CCSER1: variants seen among roughly 807,000 people sequenced by gnomAD.
CCSER1 encodes serine-rich coiled-coil domain-containing protein 1.
In CCSER1, 41 loss-of-function variants were observed where a neutral mutation model predicts 82.0. The observed-to-expected ratio is 0.50, with a 90% CI of 0.39 to 0.65. The LOEUF (loss-of-function observed/expected upper bound fraction) is 0.65. CCSER1 is among the 30% of genes least tolerant of loss of function. The probability of loss-of-function intolerance (pLI) is 0.00; values close to 1 mark genes in which losing one functional copy is unlikely to be tolerated. For missense variants in CCSER1, 1,119 were observed against 1,064.2 expected (o/e 1.05, Z -0.72); for synonymous variants, 414 against 383.9 (o/e 1.08, Z -0.92).
chr4:90,225,017 T>C (rs969113951), intron 1 of CCSER1, among the ~76,000 whole-genome samples: 4 of 152,192 alleles, frequency 2.6e-5, no homozygotes, highest in Admixed American at 6.6e-5. Flanking sequence ...AATTTGGTTC[T>C]ACTCTTTCTG....
chr4:90,607,195 A>G (rs1173942423), intron 5 of CCSER1, among the ~76,000 whole-genome samples: 1 of 152,234 alleles, frequency 6.6e-6, no homozygotes. Context: ...TTAGTACCTC[A>G]GTATTTGAAA....
chr4:90,924,761 C>G (rs1161882614), intron 9 of CCSER1, among the ~76,000 whole-genome samples: 2 of 152,078 alleles, frequency 1.3e-5, no homozygotes, highest in Non-Finnish European at 2.9e-5. Flanking sequence ...GAGTCTCACT[C>G]TGTTGCCCAG....
intron 5 of CCSER1, among the ~76,000 whole-genome samples, chr4:90,615,559 C>A (rs1432180376): frequency 6.6e-6 from 1 of 152,112 alleles, no homozygotes; most frequent in Admixed American, 6.6e-5. Flanking sequence ...TAGGAAGTAA[C>A]TTCAGATGTG....
chr4:91,322,610 GAATT>G lies in CCSER1; in HGVS notation c.2217+236618_2217+236621del, dbSNP rs1238605898. 4.0e-5 allele frequency among the ~76,000 whole-genome samples: 5 copies of G among 126,038 alleles called. No homozygotes were observed. The East Asian group carries it at 1.2e-3, about 30-fold the overall frequency. 82.7% of individuals were successfully genotyped at this position (126,038 alleles called of 152,430 possible). On this transcript the variant is annotated intron_variant, in intron 10 of 10. Coordinates refer to ENST00000509176, the MANE Select transcript of CCSER1 (RefSeq NM_001145065.2). Reference sequence around the variant, plus strand: ...CTCAATAAAATTTGGTTAAATGAATGAATTAGAAATACATTATATTAATTAAATT... The same window carrying G: ...CTCAATAAAATTTGGTTAAATGAATGAGAAATACATTATATTAATTAAATT...
chr4:90,155,759 CTT>C (rs1164447692), intron 1 of CCSER1, among the ~76,000 whole-genome samples: 1 of 151,946 alleles, frequency 6.6e-6, no homozygotes, highest in African/African-American at 2.4e-5. Flanking sequence ...TGATTCTTCT[CTT>C]TTTTCTTCTT....
intron 5 of CCSER1, among the ~76,000 whole-genome samples, chr4:90,516,424 ACTACCC>A (rs1231789390): frequency 1.3e-5 from 2 of 152,154 alleles, no homozygotes; most frequent in South Asian, 4.1e-4. Flanking sequence ...GCTAGTATGT[ACTACCC>A]CAGGGCCTGA....
At chr4:90,390,903 A>G (rs1176600914) in intron 3 of CCSER1, among the ~76,000 whole-genome samples, 2 of 152,100 alleles carry the variant, frequency 1.3e-5, no homozygotes, top group African/African-American at 2.4e-5. Flanking sequence ...ATTCCCACCA[A>G]CAATGTACAA....
At chr4:91,112,688 G>A (rs536385818) in intron 10 of CCSER1, 2 of 152,058 alleles carry the variant, frequency 1.3e-5, no homozygotes, top group Admixed American at 6.6e-5. Context: ...ATCTCAATTC[G>A]TGTTGAATGA....
chr4:90,133,750 T>A (rs900817181), intron 1 of CCSER1, among the ~76,000 whole-genome samples: 3 of 152,204 alleles, frequency 2.0e-5, no homozygotes, highest in African/African-American at 7.2e-5. Flanking sequence ...AGTTTTGCAT[T>A]ATGTTCCTCT....
At chr4:90,537,886 T>C (rs991093633) in intron 5 of CCSER1, among the ~76,000 whole-genome samples, 3 of 152,166 alleles carry the variant, frequency 2.0e-5, no homozygotes, top group African/African-American at 7.2e-5. Context: ...TTTCTTATTG[T>C]CTCTTCTTTA....
intron 7 of CCSER1, among the ~76,000 whole-genome samples, chr4:90,725,738 C>T (rs144659726): frequency 6.7e-4 from 102 of 151,654 alleles, no homozygotes; most frequent in African/African-American, 2.4e-3. Context: ...AGAATCTTAA[C>T]AGTATAAAGC....
chr4:91,137,723 AT>A (rs1382285166), intron 10 of CCSER1, among the ~76,000 whole-genome samples: 1 of 152,026 alleles, frequency 6.6e-6, no homozygotes, highest in Admixed American at 6.6e-5. Flanking sequence ...GTGAGATGAT[AT>A]CTCATAGTGG....
chr4:91,446,680 T>A (rs1177666177), intron 10 of CCSER1, among the ~76,000 whole-genome samples: 3 of 146,820 alleles, frequency 2.0e-5, no homozygotes, highest in East Asian at 2.0e-4. Context: ...TAAATAAATA[T>A]ATATATATAT....
chr4:91,577,857 G>A (rs973574620), intron 10 of CCSER1, among the ~76,000 whole-genome samples: 1 of 151,598 alleles, frequency 6.6e-6, no homozygotes, highest in East Asian at 1.9e-4. Flanking sequence ...TTGCTTTTTG[G>A]TAAACAAATT....
At chr4:90,388,752 C>T (rs2153536698) in intron 3 of CCSER1, among the ~76,000 whole-genome samples, 1 of 152,220 alleles carries the variant, frequency 6.6e-6, no homozygotes, top group African/African-American at 2.4e-5. Context: ...TCTCCTGTCT[C>T]AGCCTCCAAA....
intron 9 of CCSER1, among the ~76,000 whole-genome samples, chr4:90,980,406 A>G (rs1389846790): frequency 6.6e-6 from 1 of 151,858 alleles, no homozygotes. Flanking sequence ...GTGTGAGTAC[A>G]CAGAACAAGT....
intron 7 of CCSER1, among the ~76,000 whole-genome samples, chr4:90,785,872 A>AT (rs1365278966): frequency 5.3e-5 from 8 of 152,004 alleles, no homozygotes; most frequent in East Asian, 1.9e-4. Flanking sequence ...AACAAATGCC[A>AT]TTTTTTTCTG....
At chr4:91,594,591 T>A (rs1764467467) in intron 10 of CCSER1, among the ~76,000 whole-genome samples, 2 of 151,778 alleles carry the variant, frequency 1.3e-5, no homozygotes, top group African/African-American at 2.4e-5. Context: ...GTTAAGAGGA[T>A]GTTTCCTATG....
intron 10 of CCSER1, among the ~76,000 whole-genome samples, chr4:91,174,780 G>A (rs561462982): frequency 1.3e-5 from 2 of 150,330 alleles, no homozygotes; most frequent in East Asian, 1.9e-4. Flanking sequence ...TATTTATTAA[G>A]CTCCTCCTAG....
Sources: gnomAD v4.1 joint callset for allele counts (sites outside exome capture counted in the v4.1 genomes callset) on GRCh38, gnomAD v4.1.1 for gene constraint, MANE v1.5 for transcripts, NCBI Gene and HGNC (gene_info 2026-07-23, HGNC 2026-07-21) for gene names.